Variants in C1orf21 observed in about 807,000 individuals in gnomAD.
C1orf21 encodes chromosome 1 open reading frame 21, also known as uncharacterized protein C1orf21.
In C1orf21, 3 loss-of-function variants were observed where a neutral mutation model predicts 18.7. That is an observed-to-expected ratio of 0.16 (90% CI 0.07 to 0.42). The LOEUF is 0.42. Among genes scored for constraint, C1orf21 ranks in the 10% least tolerant of loss-of-function variants. The pLI is 0.99. For missense variants in C1orf21, 104 were observed against 143.6 expected (o/e 0.72, Z 1.41); for synonymous variants, 41 against 46.4 (o/e 0.88, Z 0.47).
At chr1:184,481,170 A>T (rs950175476) in intron 2 of C1orf21, among the ~76,000 whole-genome samples, 1 of 151,586 alleles carries the variant, frequency 6.6e-6, no homozygotes, top group Admixed American at 6.6e-5. Flanking sequence ...GAAATAACTT[A>T]AAAAAAAACT....
chr1:184,440,282 A>G (rs569594431), intron 1 of C1orf21, among the ~76,000 whole-genome samples: 17 of 152,258 alleles, frequency 1.1e-4, no homozygotes, highest in Admixed American at 1.0e-3. Context: ...TTGCTCTGTC[A>G]CCCAGGCTGG....
intron 3 of C1orf21, among the ~76,000 whole-genome samples, chr1:184,570,884 G>GTA (rs1173620678): frequency 6.6e-6 from 1 of 152,198 alleles, no homozygotes; most frequent in Non-Finnish European, 1.5e-5. Context: ...AGGCTCTATG[G>GTA]TATAGCCTGT....
At chr1:184,409,330 A>G (rs1186736148) in intron 1 of C1orf21, among the ~76,000 whole-genome samples, 2 of 152,122 alleles carry the variant, frequency 1.3e-5, no homozygotes, top group African/African-American at 4.8e-5. Flanking sequence ...TAACCTTACA[A>G]TATTGGGGAG....
chr1:184,421,750 G>A (rs1206332432), intron 1 of C1orf21, among the ~76,000 whole-genome samples: 1 of 152,190 alleles, frequency 6.6e-6, no homozygotes, highest in Non-Finnish European at 1.5e-5. Flanking sequence ...AGAAATTCAA[G>A]ATGATGAGTT....
chr1:184,572,591 T>A (rs1659127905), intron 3 of C1orf21, among the ~76,000 whole-genome samples: 1 of 152,198 alleles, frequency 6.6e-6, no homozygotes, highest in South Asian at 2.1e-4. Context: ...TTGTTGAAGA[T>A]GATCATTGGT....
chr1:184,521,180 C>T (rs1658301210), intron 3 of C1orf21, among the ~76,000 whole-genome samples: 1 of 152,174 alleles, frequency 6.6e-6, no homozygotes, highest in South Asian at 2.1e-4. Context: ...CCACTCACTG[C>T]ACCCGGCCAA....
intron 3 of C1orf21, among the ~76,000 whole-genome samples, chr1:184,553,609 T>C (rs2101982754): frequency 6.6e-6 from 1 of 152,304 alleles, no homozygotes. Flanking sequence ...CTATAGACTT[T>C]TTTCCAGGCT....
At chr1:184,502,681 G>A (rs912598278) in intron 2 of C1orf21, among the ~76,000 whole-genome samples, 5 of 152,062 alleles carry the variant, frequency 3.3e-5, no homozygotes, top group East Asian at 1.9e-4. Flanking sequence ...ACTTCCCCTC[G>A]TAGAGATACA....
chr1:184,472,165 G>T (rs867360495), intron 1 of C1orf21, among the ~76,000 whole-genome samples: 9 of 151,918 alleles, frequency 5.9e-5, no homozygotes, highest in Non-Finnish European at 1.2e-4. Context: ...TTCCTTTATG[G>T]AGCTTAGATG....
intron 3 of C1orf21, among the ~76,000 whole-genome samples, chr1:184,531,349 C>G (rs1658460082): frequency 6.6e-6 from 1 of 152,118 alleles, no homozygotes; most frequent in East Asian, 1.9e-4. Flanking sequence ...TTCTTTCAAC[C>G]CTCCATATGT....
intron 1 of C1orf21, among the ~76,000 whole-genome samples, chr1:184,422,490 A>G (rs1229607313): frequency 6.6e-6 from 1 of 152,218 alleles, no homozygotes; most frequent in Non-Finnish European, 1.5e-5. Context: ...ACTGAGGTGT[A>G]GAAAGGGTAA....
intron 4 of C1orf21, among the ~76,000 whole-genome samples, chr1:184,596,827 C>T (rs975461634): frequency 4.7e-5 from 7 of 149,644 alleles, no homozygotes; most frequent in African/African-American, 1.7e-4. Flanking sequence ...GCTGGGATCG[C>T]ACCACTGTAC....
At chr1:184,455,734 G>GAATA (rs1157293967) in intron 1 of C1orf21, among the ~76,000 whole-genome samples, 2 of 152,156 alleles carry the variant, frequency 1.3e-5, no homozygotes, top group Non-Finnish European at 2.9e-5. Flanking sequence ...ACCAGGGCCT[G>GAATA]AATAAATATC....
At chr1:184,513,886 A>G (rs1658186645) in intron 3 of C1orf21, among the ~76,000 whole-genome samples, 1 of 152,226 alleles carries the variant, frequency 6.6e-6, no homozygotes, top group African/African-American at 2.4e-5. Context: ...TTCCCTCTTC[A>G]CATAAGAAAC....
intron 1 of C1orf21, among the ~76,000 whole-genome samples, chr1:184,460,997 G>A (rs1393511000): frequency 6.6e-6 from 1 of 151,990 alleles, no homozygotes; most frequent in Non-Finnish European, 1.5e-5. Context: ...TTGTATACCT[G>A]CCATTATCTT....
intron 1 of C1orf21, among the ~76,000 whole-genome samples, chr1:184,420,781 G>C (rs1656535626): frequency 6.6e-6 from 1 of 151,184 alleles, no homozygotes; most frequent in Admixed American, 6.6e-5. Flanking sequence ...TCCTTCAGTT[G>C]TAATTTTCTA....
Position 184,623,574 on chromosome 1 carries a change from A to G in C1orf21, c.*4018A>G, listed in dbSNP as rs1354698733. The G allele has an allele frequency of 6.6e-6, 1 of 152,358 alleles. No individual in the cohort carries two copies. Among genetic ancestry groups the G allele is most frequent in the Non-Finnish European group, 1.5e-5 (1 of 68,040 alleles). 9.4% of individuals were successfully genotyped at this position (152,358 alleles called of 1,614,324 possible). Reference sequence around the variant, plus strand: ...AATAAAAAGGTGGCTCGAAGCAGGAACTTTGGCCTCATGGTGTCATGGGTG... The same window carrying G: ...AATAAAAAGGTGGCTCGAAGCAGGAGCTTTGGCCTCATGGTGTCATGGGTG... On this transcript the variant is annotated 3_prime_UTR_variant, in exon 6 of 6. Transcript: ENST00000235307.
intron 3 of C1orf21, among the ~76,000 whole-genome samples, chr1:184,559,345 A>G (rs930208297): frequency 6.6e-6 from 1 of 152,026 alleles, no homozygotes. Flanking sequence ...TGCCATGAGT[A>G]AAAGCTCCCT....
At chr1:184,427,948 G>T (rs1656667896) in intron 1 of C1orf21, among the ~76,000 whole-genome samples, 1 of 152,094 alleles carries the variant, frequency 6.6e-6, no homozygotes, top group Admixed American at 6.5e-5. Context: ...TGGACTCCAG[G>T]GCTGGAACAC....
Sources: gnomAD v4.1 joint callset for allele counts (sites outside exome capture counted in the v4.1 genomes callset) on GRCh38, gnomAD v4.1.1 for gene constraint, MANE v1.5 for transcripts, NCBI Gene and HGNC (gene_info 2026-07-23, HGNC 2026-07-21) for gene names.